HECTD2: variants seen among roughly 807,000 people sequenced by gnomAD.
The protein encoded by HECTD2 is HECT domain E3 ubiquitin protein ligase 2.
A neutral mutation model predicts 103.2 loss-of-function variants in HECTD2; 35 were observed. That is an observed-to-expected ratio of 0.34 (90% CI 0.26 to 0.45). The LOEUF (loss-of-function observed/expected upper bound fraction) is 0.45, where lower values mean the gene tolerates loss of function less well. Among genes scored for constraint, HECTD2 ranks in the 20% least tolerant of loss-of-function variants. The probability of loss-of-function intolerance (pLI) is 1.00; values close to 1 mark genes in which losing one functional copy is unlikely to be tolerated. For synonymous variants in HECTD2, 281 were observed against 329.9 expected (o/e 0.85, Z 1.61); for missense variants, 596 against 937.4 (o/e 0.64, Z 4.76).
At chr10:91,483,187 G>A in intron 8 of HECTD2, 111 bp downstream of exon 8, 2 of 461,332 alleles carry the variant, frequency 4.3e-6, no homozygotes, top group East Asian at 3.6e-5. Flanking sequence ...TAGAAATGAT[G>A]CTTATATTCA....
intron 2 of HECTD2, among the ~76,000 whole-genome samples, chr10:91,428,441 G>C (rs924121447): frequency 2.0e-5 from 3 of 151,808 alleles, no homozygotes; most frequent in African/African-American, 7.3e-5. Flanking sequence ...GATGGTGATG[G>C]CATTGAATCT....
intron 10 of HECTD2, chr10:91,485,982 A>T (rs565799875): frequency 6.6e-6 from 1 of 152,274 alleles, no homozygotes; most frequent in African/African-American, 2.4e-5. Flanking sequence ...TATTTAATAC[A>T]CTGCACTTTA....
At chr10:91,460,840 T>C (rs533667678) in intron 3 of HECTD2, among the ~76,000 whole-genome samples, 2 of 152,274 alleles carry the variant, frequency 1.3e-5, no homozygotes, top group South Asian at 4.1e-4. Flanking sequence ...AATTAAATAA[T>C]AGACTGTTAC....
At chr10:91,461,467 T>C in intron 4 of HECTD2, 111 bp downstream of exon 4, 1 of 511,910 alleles carries the variant, frequency 2.0e-6, no homozygotes. Flanking sequence ...GCATATATTA[T>C]GTATTGATTT....
intron 14 of HECTD2, among the ~76,000 whole-genome samples, chr10:91,495,825 A>G (rs1227267210): frequency 1.3e-5 from 2 of 152,164 alleles, no homozygotes; most frequent in Non-Finnish European, 2.9e-5. Context: ...CAAAATCAGT[A>G]TTCTACAGTG....
chr10:91,489,226 C>T (rs982730086), intron 11 of HECTD2: 26 of 152,070 alleles, frequency 1.7e-4, no homozygotes, highest in African/African-American at 6.3e-4. Flanking sequence ...TTCTACAGAG[C>T]ATGCAAACGA....
chr10:91,500,375 C>T, intron 18 of HECTD2, 127 bp from the exon 19 acceptor site: 2 of 306,244 alleles, frequency 6.5e-6, no homozygotes, highest in Non-Finnish European at 6.4e-6. Flanking sequence ...GATTTTTCTT[C>T]AACAAAAATG....
chr10:91,452,490 G>A (rs547861102), intron 2 of HECTD2, among the ~76,000 whole-genome samples: 20 of 152,090 alleles, frequency 1.3e-4, no homozygotes, highest in African/African-American at 2.4e-4. Context: ...TTGAGAGGTC[G>A]GACCTTTAAG....
intron 3 of HECTD2, 46 bp from the exon 4 acceptor site, chr10:91,461,208 A>C: frequency 1.2e-6 from 1 of 848,616 alleles, no homozygotes; most frequent in Non-Finnish European, 1.9e-6. Context: ...AGTTTATCTG[A>C]ATAATATTTC....
intron 11 of HECTD2, among the ~76,000 whole-genome samples, chr10:91,490,705 C>T (rs1250111955): frequency 6.6e-6 from 1 of 151,374 alleles, no homozygotes; most frequent in Non-Finnish European, 1.5e-5. Context: ...TCCTGGCTAA[C>T]ACGGTGAAAC....
chr10:91,458,669 GTGAT>G (rs1466355383), intron 2 of HECTD2, among the ~76,000 whole-genome samples: 1 of 151,906 alleles, frequency 6.6e-6, no homozygotes, highest in African/African-American at 2.4e-5. Context: ...TGGTGCCAGA[GTGAT>G]TGGACATCTA....
intron 5 of HECTD2, among the ~76,000 whole-genome samples, chr10:91,473,043 G>T (rs901475102): frequency 3.3e-5 from 5 of 152,118 alleles, no homozygotes; most frequent in Non-Finnish European, 7.4e-5. Context: ...AAAAATTATG[G>T]CACAGAAAGA....
At chr10:91,450,812 A>C (rs1844784366) in intron 2 of HECTD2, among the ~76,000 whole-genome samples, 2 of 152,212 alleles carry the variant, frequency 1.3e-5, no homozygotes, top group African/African-American at 4.8e-5. Context: ...ATCAAACCAC[A>C]ATGAGATACC....
At chr10:91,450,616 A>C (rs911519647) in intron 2 of HECTD2, among the ~76,000 whole-genome samples, 2 of 152,164 alleles carry the variant, frequency 1.3e-5, no homozygotes, top group Non-Finnish European at 2.9e-5. Flanking sequence ...AAATGTTTGC[A>C]ATCTATCCAT....
intron 6 of HECTD2, 92 bp downstream of exon 6, chr10:91,478,357 C>A: frequency 2.6e-6 from 2 of 758,580 alleles, no homozygotes; most frequent in South Asian, 1.7e-5. Flanking sequence ...ATTTTACTCT[C>A]AGAAAAGATT....
intron 8 of HECTD2, among the ~76,000 whole-genome samples, 158 bp downstream of exon 8, chr10:91,483,234 G>A (rs1846156945): frequency 6.6e-6 from 1 of 151,868 alleles, no homozygotes. Flanking sequence ...ATCTACTTTA[G>A]TACTACATAA....
At chr10:91,444,781 A>G (rs1038189438) in intron 2 of HECTD2, among the ~76,000 whole-genome samples, 1 of 152,212 alleles carries the variant, frequency 6.6e-6, no homozygotes, top group African/African-American at 2.4e-5. Flanking sequence ...TCTTTGTTCT[A>G]TCATATGCAA....
At chr10:91,496,620 C>G (rs945417720) in intron 15 of HECTD2, among the ~76,000 whole-genome samples, 1 of 152,118 alleles carries the variant, frequency 6.6e-6, no homozygotes, top group Non-Finnish European at 1.5e-5. Context: ...CTTACTAGCT[C>G]TGTGAATTTG....
intron 20 of HECTD2, among the ~76,000 whole-genome samples, chr10:91,505,430 C>G (rs930740081): frequency 6.6e-6 from 1 of 152,006 alleles, no homozygotes; most frequent in Non-Finnish European, 1.5e-5. Flanking sequence ...GGAGGAAGAT[C>G]TACCAAGCAA....
Sources: gnomAD v4.1 joint callset for allele counts (sites outside exome capture counted in the v4.1 genomes callset) on GRCh38, gnomAD v4.1.1 for gene constraint, MANE v1.5 for transcripts, NCBI Gene and HGNC (gene_info 2026-07-23, HGNC 2026-07-21) for gene names.